Variants in MSRA observed in about 807,000 individuals in gnomAD.
The protein encoded by MSRA is methionine sulfoxide reductase A.
In MSRA, 54 loss-of-function variants were observed where a neutral mutation model predicts 31.3. The ratio of observed to expected loss-of-function variants is 1.73; its 90% CI spans 1.39 to 2.17. The LOEUF is 2.17. MSRA is among the 30% of genes most tolerant of loss of function. The pLI is 0.00. For synonymous variants in MSRA, 169 were observed against 116.5 expected (o/e 1.45, Z -2.90); for missense variants, 507 against 300.9 (o/e 1.69, Z -5.07).
At chr8:10,309,377 C>A (rs764032621) in intron 4 of MSRA, among the ~76,000 whole-genome samples, 1 of 152,220 alleles carries the variant, frequency 6.6e-6, no homozygotes, top group African/African-American at 2.4e-5. Context: ...TAATAGCTGT[C>A]GTGCTCATGC....
intron 1 of MSRA, among the ~76,000 whole-genome samples, chr8:10,156,443 G>A (rs57980126): frequency 0.13 from 19,046 of 146,192 alleles, 1,462 homozygotes; most frequent in African/African-American, 0.25. Context: ...GTGTGTGTAC[G>A]TGTGTGTATG....
At chr8:10,096,024 C>A in intron 1 of MSRA, 1 of 1,456,592 alleles carries the variant, frequency 6.9e-7, no homozygotes, top group South Asian at 1.5e-5. Flanking sequence ...GAAAGACATC[C>A]TTCGGAATGT....
At chr8:10,334,331 A>G (rs541812112) in intron 5 of MSRA, among the ~76,000 whole-genome samples, 1 of 152,276 alleles carries the variant, frequency 6.6e-6, no homozygotes, top group Non-Finnish European at 1.5e-5. Flanking sequence ...CTTTAAAGAC[A>G]ACAAAAGGGC....
At chr8:10,293,408 T>C (rs1800354159) in intron 3 of MSRA, among the ~76,000 whole-genome samples, 1 of 152,208 alleles carries the variant, frequency 6.6e-6, no homozygotes, top group Admixed American at 6.5e-5. Context: ...GACCGCTTCC[T>C]CCGTGTGCGT....
At chr8:10,212,359 G>C (rs1207650174) in intron 2 of MSRA, among the ~76,000 whole-genome samples, 2 of 152,032 alleles carry the variant, frequency 1.3e-5, no homozygotes, top group Non-Finnish European at 2.9e-5. Context: ...CCTTTAACGA[G>C]GTTGTATATT....
chr8:10,174,675 T>C (rs544531384), intron 1 of MSRA, among the ~76,000 whole-genome samples: 139 of 152,254 alleles, frequency 9.1e-4, no homozygotes, highest in African/African-American at 3.3e-3. Flanking sequence ...CTTGTCCCCA[T>C]CCGCCCTCTT....
chr8:10,186,082 C>T (rs897575854), intron 1 of MSRA, among the ~76,000 whole-genome samples: 6 of 152,114 alleles, frequency 3.9e-5, no homozygotes, highest in African/African-American at 7.2e-5. Flanking sequence ...TGATCCTTAC[C>T]GTGTTGGACC....
At chr8:10,192,224 CACTA>C (rs1487567740) in intron 1 of MSRA, among the ~76,000 whole-genome samples, 2 of 152,200 alleles carry the variant, frequency 1.3e-5, no homozygotes, top group East Asian at 3.8e-4. Context: ...AGCAGTGAAT[CACTA>C]AGTTCGGCCT....
At chr8:10,328,027 ATTTTTTTTTTTTT>A (rs35940076) in intron 5 of MSRA, among the ~76,000 whole-genome samples, 1 of 65,310 alleles carries the variant, frequency 1.5e-5, no homozygotes, top group Non-Finnish European at 2.7e-5. Flanking sequence ...CTCTATGGTA[ATTTTTTTTTTTTT>A]TTTTTTTTTT....
intron 5 of MSRA, among the ~76,000 whole-genome samples, chr8:10,421,300 A>G (rs1055823435): frequency 3.3e-5 from 5 of 152,198 alleles, no homozygotes; most frequent in Non-Finnish European, 5.9e-5. Flanking sequence ...AGAAACAGGA[A>G]TAAGAAGCCT....
At chr8:10,090,397 C>G (rs1005218408) in intron 1 of MSRA, among the ~76,000 whole-genome samples, 1 of 152,118 alleles carries the variant, frequency 6.6e-6, no homozygotes, top group Non-Finnish European at 1.5e-5. Context: ...ATTCCTGAAG[C>G]AGATTCAGGT....
intron 5 of MSRA, among the ~76,000 whole-genome samples, chr8:10,356,404 C>T (rs921840853): frequency 1.3e-5 from 2 of 152,228 alleles, no homozygotes; most frequent in African/African-American, 2.4e-5. Context: ...CTAAGAGCCT[C>T]TCCTCCATCT....
intron 3 of MSRA, among the ~76,000 whole-genome samples, chr8:10,283,836 T>TATATACAC (rs1261287031): frequency 7.0e-4 from 37 of 53,160 alleles, no homozygotes; most frequent in South Asian, 4.0e-3. Flanking sequence ...TATATATATA[T>TATATACAC]ACACACACAC....
chr8:10,366,513 G>A (rs1009385227), intron 5 of MSRA, among the ~76,000 whole-genome samples: 1 of 152,260 alleles, frequency 6.6e-6, no homozygotes, highest in Non-Finnish European at 1.5e-5. Context: ...TGCCTGCTCA[G>A]CTGGGTCTTG....
At chr8:10,347,401 A>T (rs1304313335) in intron 5 of MSRA, among the ~76,000 whole-genome samples, 3 of 152,168 alleles carry the variant, frequency 2.0e-5, no homozygotes, top group Non-Finnish European at 4.4e-5. Flanking sequence ...CTTTCTCCCA[A>T]GCCATTCCTT....
rs371301266 is a variant in MSRA at position 10,419,214 on chromosome 8, C to A, written c.544-8934C>A. On this transcript the variant is annotated intron_variant, in intron 5 of 5. Coordinates refer to ENST00000317173, the MANE Select transcript of MSRA (RefSeq NM_012331.5). Reference sequence around the variant, plus strand: ...ATCATCCCTTGCACCTCTCACGTGTCGCAGGACAGAACACTCGGCATCCTG... The same window carrying A: ...ATCATCCCTTGCACCTCTCACGTGTAGCAGGACAGAACACTCGGCATCCTG... Among the ~76,000 whole-genome samples the A allele has an allele frequency of 2.5e-4, 38 of 152,280 alleles. 2 individuals carry two copies. In the South Asian group the frequency reaches 7.7e-3, roughly 31 times the overall value.
chr8:10,160,875 C>T (rs1205204817), intron 1 of MSRA, among the ~76,000 whole-genome samples: 1 of 152,120 alleles, frequency 6.6e-6, no homozygotes, highest in Non-Finnish European at 1.5e-5. Flanking sequence ...ACTTGAGTTC[C>T]AAATAAATAA....
intron 3 of MSRA, among the ~76,000 whole-genome samples, chr8:10,268,399 A>G (rs1798856853): frequency 6.6e-6 from 1 of 152,262 alleles, no homozygotes; most frequent in Non-Finnish European, 1.5e-5. Flanking sequence ...TATTCCAGCC[A>G]TTACTCATCT....
At chr8:10,377,326 A>T (rs1229942160) in intron 5 of MSRA, among the ~76,000 whole-genome samples, 1 of 152,264 alleles carries the variant, frequency 6.6e-6, no homozygotes, top group African/African-American at 2.4e-5. Flanking sequence ...GCCAGCATCT[A>T]CGTGGGACTT....
Sources: gnomAD v4.1 joint callset for allele counts (sites outside exome capture counted in the v4.1 genomes callset) on GRCh38, gnomAD v4.1.1 for gene constraint, MANE v1.5 for transcripts, NCBI Gene and HGNC (gene_info 2026-07-23, HGNC 2026-07-21) for gene names.